Variants in RFTN1 observed in about 807,000 individuals in gnomAD.
RFTN1 encodes raftlin.
In RFTN1, 26 loss-of-function variants were observed where a neutral mutation model predicts 46.5. The ratio of observed to expected loss-of-function variants is 0.56; its 90% confidence interval spans 0.41 to 0.78. The LOEUF is 0.78. Among genes scored for constraint, RFTN1 ranks in the 30% least tolerant of loss-of-function variants. RFTN1 has a pLI of 0.00. For missense variants in RFTN1, 693 were observed against 718.7 expected (o/e 0.96, Z 0.41); for synonymous variants, 261 against 284.2 (o/e 0.92, Z 0.82).
rs1319454307 is a variant in RFTN1 at position 16,320,724 on chromosome 3, G to T, written c.1332+2652C>A. On this transcript the variant is annotated intron_variant, in intron 9 of 9. Coordinates refer to ENST00000334133, the MANE Select transcript of RFTN1 (RefSeq NM_015150.2). This position sits in a 1 kb window ranked among gnomAD's most constrained non-coding sequence, Gnocchi z 4.5. ...AAGGAGGAGAATGTCCTTGGCAGAG[G>T]GGACACGGAAGAACTGGAGGCCACA... Among the ~76,000 whole-genome samples, 1 of 152,196 alleles carries T rather than the reference G, an allele frequency of 6.6e-6. No individual in the cohort carries two copies. The highest frequency in any genetic ancestry group is 1.9e-4 in the East Asian group (1 of 5,198).
Position 16,468,438 on chromosome 3 carries a change from A to G in RFTN1, c.145+25287T>C, listed in dbSNP as rs1420004632. On this transcript the variant is annotated intron_variant, in intron 2 of 9. Coordinates refer to ENST00000334133, the MANE Select transcript of RFTN1 (RefSeq NM_015150.2). The surrounding 1 kb of genome is among the most constrained non-coding windows in gnomAD (Gnocchi z 4.4). ...GGATCAGGCATCAGATCCTAACAAC[A>G]CTGACAGAGTGAAGGGCACGTTTCT... Among the ~76,000 whole-genome samples, 1 of 151,944 alleles carries G rather than the reference A, an allele frequency of 6.6e-6. No homozygotes were observed. The highest frequency in any genetic ancestry group is 1.5e-5 in the Non-Finnish European group (1 of 67,980).
In RFTN1 at chr3:16,421,812, T is replaced by C. The variant is rs2075192419; in HGVS notation, c.332+12039A>G. On this transcript the variant is annotated intron_variant, in intron 3 of 9. Transcript: ENST00000334133. The surrounding 1 kb of genome is among the most constrained non-coding windows in gnomAD (Gnocchi z 4.6). ...TTCATAGAAATTTTTTAAAGCCATG[T>C]GTATATTTCATGAGAGTTAATTTAG... 1.3e-5 allele frequency among the ~76,000 whole-genome samples: 2 copies of C among 152,212 alleles called. No individual in the cohort carries two copies. The highest frequency in any genetic ancestry group is 4.8e-5 in the African/African-American group (2 of 41,434).
chr3:16,369,775 C>A (rs2073416137), intron 6 of RFTN1, among the ~76,000 whole-genome samples: 2 of 152,176 alleles, frequency 1.3e-5, no homozygotes, highest in African/African-American at 4.8e-5. Flanking sequence ...ATCCAGGGAA[C>A]AATCTTTTTA....
chr3:16,387,347 C>T lies in RFTN1; in HGVS notation c.442-9245G>A, dbSNP rs1182551855. 6.6e-6 allele frequency among the ~76,000 whole-genome samples: 1 copy of T among 152,198 alleles called. No homozygotes were observed. Among genetic ancestry groups the T allele is most frequent in the Non-Finnish European group, 1.5e-5 (1 of 68,036 alleles). Reference sequence around the variant, plus strand: ...GCTTTCTCCCCTCTGCTGGGTCCCACCCTCTCCCCACTTTCCCACCACCTC... The same window carrying T: ...GCTTTCTCCCCTCTGCTGGGTCCCATCCTCTCCCCACTTTCCCACCACCTC... On this transcript the variant is annotated intron_variant, in intron 4 of 9. Transcript: ENST00000334133. This position sits in a 1 kb window ranked among gnomAD's most constrained non-coding sequence, Gnocchi z 5.2.
chr3:16,404,217 A>T (rs1440941045), intron 4 of RFTN1, among the ~76,000 whole-genome samples: 1 of 58,586 alleles, frequency 1.7e-5, no homozygotes, highest in East Asian at 4.6e-4. Context: ...ATATTATATA[A>T]TATATATTTT....
Position 16,507,067 on chromosome 3 carries a change from T to C in RFTN1, c.-9+6375A>G, listed in dbSNP as rs1051674382. Among the ~76,000 whole-genome samples the C allele has an allele frequency of 4.6e-5, 7 of 152,160 alleles. No individual in the cohort carries two copies. The highest frequency in any genetic ancestry group is 1.7e-4 in the African/African-American group (7 of 41,436). ...TACCTGTGTGACCTCAAGGAAGCCATTTAACCTCAGTTTTCTCATCTGTAA... is the reference window on the plus strand; with the variant it reads ...TACCTGTGTGACCTCAAGGAAGCCACTTAACCTCAGTTTTCTCATCTGTAA... On this transcript the variant is annotated intron_variant, in intron 1 of 9. Transcript: ENST00000334133. The surrounding 1 kb of genome is among the most constrained non-coding windows in gnomAD (Gnocchi z 7.1).
rs576728942 is a variant in RFTN1, at chr3:16,399,573, TTAC to T, written c.441+9799_441+9801del. Among the ~76,000 whole-genome samples the T allele has an allele frequency of 1.9e-3, 287 of 152,344 alleles. 1 individual carries two copies. The highest frequency in any genetic ancestry group is 3.3e-3 in the Non-Finnish European group (227 of 68,040). On this transcript the variant is annotated intron_variant, in intron 4 of 9. Transcript: ENST00000334133. ...GTTTCACACTGACCTCTCTGGCTAC[TTAC>T]TTTTTCTTTTCTCTGAATGCTGGAA... is the stretch of plus-strand genomic sequence containing the variant.
intron 2 of RFTN1, 83 bp downstream of exon 2, chr3:16,493,642 G>C: frequency 4.4e-6 from 5 of 1,132,640 alleles, no homozygotes; most frequent in Non-Finnish European, 6.0e-6. Context: ...ACCCCATCCA[G>C]CTCTCCAACT....
rs948969703 is a variant in RFTN1, at chr3:16,466,214, G to C, written c.145+27511C>G. Among the ~76,000 whole-genome samples, 4 of 152,182 alleles carry C rather than the reference G, an allele frequency of 2.6e-5. No homozygotes were observed. Among genetic ancestry groups the C allele is most frequent in the Admixed American group, 6.5e-5 (1 of 15,284 alleles). On this transcript the variant is annotated intron_variant, in intron 2 of 9. Coordinates refer to ENST00000334133, the MANE Select transcript of RFTN1 (RefSeq NM_015150.2). This position sits in a 1 kb window ranked among gnomAD's most constrained non-coding sequence, Gnocchi z 5.6. ...TAGCACGTCCTGCTCTTGCAACAAA[G>C]AACACTTTTAACTTGCATCGTCCTC...
chr3:16,476,728 C>A (rs1338994711), intron 2 of RFTN1, among the ~76,000 whole-genome samples: 2 of 152,124 alleles, frequency 1.3e-5, no homozygotes, highest in East Asian at 3.9e-4. Flanking sequence ...ATGCCACAGT[C>A]GAAGGAGACT....
intron 2 of RFTN1, among the ~76,000 whole-genome samples, chr3:16,492,293 C>T (rs889752091): frequency 2.0e-5 from 3 of 152,154 alleles, no homozygotes; most frequent in African/African-American, 4.8e-5. Flanking sequence ...CGCACGGAGA[C>T]AGTCACAGCA....
At chr3:16,393,200 G>A (rs776979084) in intron 4 of RFTN1, among the ~76,000 whole-genome samples, 1 of 152,198 alleles carries the variant, frequency 6.6e-6, no homozygotes, top group Admixed American at 6.5e-5. Flanking sequence ...AGGGTAGGGA[G>A]TGGCAGGAGG....
rs1173423165 is a variant in RFTN1, at chr3:16,344,223, G to T, written c.1146+13709C>A. Among the ~76,000 whole-genome samples, 1 of 152,076 alleles carries T rather than the reference G, an allele frequency of 6.6e-6. No individual in the cohort carries two copies. The highest frequency in any genetic ancestry group is 1.5e-5 in the Non-Finnish European group (1 of 68,032). ...ATTCCTATTACATTTTATTGGGCTG[G>T]TTTTTGTCCAACATTCATATACTAA... On this transcript the variant is annotated intron_variant, in intron 7 of 9. Transcript: ENST00000334133. This position sits in a 1 kb window ranked among gnomAD's most constrained non-coding sequence, Gnocchi z 4.4.
At chr3:16,434,101 A>T (rs2075449631) in intron 2 of RFTN1, 64 bp from the exon 3 acceptor site, 1 of 1,393,352 alleles carries the variant, frequency 7.2e-7, no homozygotes, top group African/African-American at 1.5e-5. Context: ...CCCTGCCCAA[A>T]CCCCTCTTCC....
chr3:16,503,506 A>G (rs1046176181), intron 1 of RFTN1, among the ~76,000 whole-genome samples: 2 of 152,124 alleles, frequency 1.3e-5, no homozygotes, highest in African/African-American at 2.4e-5. Context: ...TGATGCTAAC[A>G]TGCAGCCAGG....
chr3:16,409,971 G>A (rs1306153941), intron 3 of RFTN1, among the ~76,000 whole-genome samples: 1 of 151,354 alleles, frequency 6.6e-6, no homozygotes, highest in Non-Finnish European at 1.5e-5. Flanking sequence ...ACAGACATGA[G>A]CCACTGTGCC....
intron 7 of RFTN1, among the ~76,000 whole-genome samples, chr3:16,355,056 A>T (rs573207945): frequency 6.6e-6 from 1 of 152,280 alleles, no homozygotes; most frequent in Non-Finnish European, 1.5e-5. Flanking sequence ...CATTCTGATC[A>T]TGACTACTTA....
At chr3:16,398,550 G>GA (rs1383668420) in intron 4 of RFTN1, among the ~76,000 whole-genome samples, 1 of 152,148 alleles carries the variant, frequency 6.6e-6, no homozygotes, top group Non-Finnish European at 1.5e-5. Context: ...TCTACCTTGG[G>GA]ACCCATCTCA....
At position 16,470,955 on chromosome 3, in the gene RFTN1, T is replaced by C. The variant is rs79763697; in HGVS notation, c.145+22770A>G. Among the ~76,000 whole-genome samples the C allele has an allele frequency of 4.9e-3, 743 of 152,314 alleles. 5 individuals are homozygous for C. Among genetic ancestry groups the C allele is most frequent in the African/African-American group, 0.015 (644 of 41,560 alleles). On this transcript the variant is annotated intron_variant, in intron 2 of 9. Coordinates refer to ENST00000334133, the MANE Select transcript of RFTN1 (RefSeq NM_015150.2). ...CTATTATAACTAAATTCAATATCTGTCCAACCTACCTCACAGAGTTGTTAA... is the reference window on the plus strand; with the variant it reads ...CTATTATAACTAAATTCAATATCTGCCCAACCTACCTCACAGAGTTGTTAA...
Sources: allele counts gnomAD v4.1 joint callset (sites outside exome capture counted in the v4.1 genomes callset), GRCh38; gene constraint gnomAD v4.1.1; non-coding constraint Gnocchi (gnomAD v3.1); transcripts MANE v1.5; gene names NCBI Gene and HGNC (gene_info 2026-07-23, HGNC 2026-07-21).